PDLIM5: variants seen among roughly 807,000 people sequenced by gnomAD.
PDLIM5 encodes PDZ and LIM domain protein 5.
A neutral mutation model predicts 64.2 loss-of-function variants in PDLIM5; 34 were observed. That is an observed-to-expected ratio of 0.53 (90% CI 0.40 to 0.71). The LOEUF (loss-of-function observed/expected upper bound fraction) is 0.71, where lower values mean the gene tolerates loss of function less well. PDLIM5 is among the 30% of genes least tolerant of loss of function. PDLIM5 has a pLI of 0.00. For missense variants in PDLIM5, 683 were observed against 733.6 expected, an observed-to-expected ratio of 0.93 and a Z score of 0.80; for synonymous variants, 253 against 269.1, an observed-to-expected ratio of 0.94 and a Z score of 0.59.
intron 2 of PDLIM5, among the ~76,000 whole-genome samples, chr4:94,460,735 A>G (rs1723806205): frequency 6.6e-6 from 1 of 152,234 alleles, no homozygotes; most frequent in South Asian, 2.1e-4. Flanking sequence ...TACTTAAACT[A>G]AGAATAGATA....
chr4:94,623,643 G>C (rs995864232), intron 8 of PDLIM5, among the ~76,000 whole-genome samples: 1 of 152,114 alleles, frequency 6.6e-6, no homozygotes, highest in Non-Finnish European at 1.5e-5. Flanking sequence ...ACAATGCCTG[G>C]CACAGTTTAT....
chr4:94,664,512 CT>C lies in PDLIM5; in HGVS notation c.*448del, dbSNP rs745796300. The C allele has an allele frequency of 1.1e-5, 8 of 713,228 alleles. No individual in the cohort carries two copies. Among genetic ancestry groups the C allele is most frequent in the Non-Finnish European group, 1.4e-5 (8 of 582,120 alleles). The allele number at this position is 713,228 out of a possible 1,614,324, so 44.2% of individuals were successfully genotyped here. ...TATTTAAAAAAAAACTAATACTTAT[CT>C]TTAAAATAGTAAATAGGATTTTAAA... On this transcript the variant is annotated 3_prime_UTR_variant, in exon 13 of 13. Transcript: ENST00000317968.
chr4:94,513,681 C>G (rs1291700979), intron 2 of PDLIM5, among the ~76,000 whole-genome samples: 1 of 152,154 alleles, frequency 6.6e-6, no homozygotes, highest in African/African-American at 2.4e-5. Context: ...GATAATTTGA[C>G]TTCTTCCTCT....
intron 2 of PDLIM5, chr4:94,456,263 A>G (rs1386539442): frequency 2.0e-6 from 1 of 492,100 alleles, no homozygotes; most frequent in Non-Finnish European, 3.6e-6. Flanking sequence ...CAGTGGCGCA[A>G]TCTCGGCTCA....
chr4:94,626,982 C>G (rs1006340120), intron 8 of PDLIM5, among the ~76,000 whole-genome samples: 2 of 152,110 alleles, frequency 1.3e-5, no homozygotes, highest in Non-Finnish European at 2.9e-5. Flanking sequence ...AGGCTTTGCA[C>G]TACAGTAATA....
intron 3 of PDLIM5, among the ~76,000 whole-genome samples, chr4:94,556,331 G>A (rs1288475745): frequency 6.6e-6 from 1 of 152,126 alleles, no homozygotes; most frequent in African/African-American, 2.4e-5. Flanking sequence ...TTGGTTCCAA[G>A]TCTTTGCTAT....
intron 9 of PDLIM5, 48 bp downstream of exon 9, chr4:94,640,498 G>GT: frequency 2.0e-6 from 2 of 977,842 alleles, no homozygotes; most frequent in Non-Finnish European, 2.8e-6. Flanking sequence ...TATCAATGTT[G>GT]GGTTTTTTTT....
chr4:94,484,677 T>C (rs1255596851), intron 2 of PDLIM5, among the ~76,000 whole-genome samples: 1 of 152,120 alleles, frequency 6.6e-6, no homozygotes, highest in Non-Finnish European at 1.5e-5. Flanking sequence ...TTAAGAACCA[T>C]GTAGGGGTTT....
rs549714145 is a variant in PDLIM5 at position 94,534,474 on chromosome 4, A to G, written c.248+10599A>G. Reference sequence around the variant, plus strand: ...GCAGCCATAAGAGGTGGACATAAAGAGATTTATAATCTTTGCCCTTAAAGA... The same window carrying G: ...GCAGCCATAAGAGGTGGACATAAAGGGATTTATAATCTTTGCCCTTAAAGA... On this transcript the variant is annotated intron_variant, in intron 3 of 12. Transcript: ENST00000317968. 1.9e-3 allele frequency among the ~76,000 whole-genome samples: 296 copies of G among 152,314 alleles called. 2 individuals are homozygous for G. Among genetic ancestry groups the G allele is most frequent in the Non-Finnish European group, 3.3e-3 (222 of 68,018 alleles).
chr4:94,567,552 T>C (rs1456491777), intron 3 of PDLIM5, among the ~76,000 whole-genome samples: 1 of 152,056 alleles, frequency 6.6e-6, no homozygotes, highest in East Asian at 1.9e-4. Context: ...TTCATGACTG[T>C]TAAAAAATAT....
intron 3 of PDLIM5, among the ~76,000 whole-genome samples, chr4:94,568,378 G>C (rs1444062958): frequency 2.0e-5 from 3 of 151,702 alleles, no homozygotes; most frequent in African/African-American, 7.3e-5. Flanking sequence ...TTAACAGTGG[G>C]ACATATAGAA....
intron 9 of PDLIM5, among the ~76,000 whole-genome samples, chr4:94,640,953 C>T (rs924350959): frequency 3.3e-5 from 5 of 152,292 alleles, no homozygotes; most frequent in Non-Finnish European, 5.9e-5. Context: ...TGTTAGATTA[C>T]GTAATGACCT....
intron 3 of PDLIM5, among the ~76,000 whole-genome samples, chr4:94,547,195 A>G (rs567460219): frequency 2.8e-4 from 43 of 152,224 alleles, no homozygotes; most frequent in African/African-American, 9.1e-4. Flanking sequence ...TTAGTGGCCA[A>G]ACTGCACCCC....
At chr4:94,517,317 G>A (rs1327327478) in intron 2 of PDLIM5, among the ~76,000 whole-genome samples, 1 of 152,140 alleles carries the variant, frequency 6.6e-6, no homozygotes, top group African/African-American at 2.4e-5. Flanking sequence ...ATGGTATCCT[G>A]GGAAATATGT....
At chr4:94,551,189 T>G (rs1732775463) in intron 3 of PDLIM5, among the ~76,000 whole-genome samples, 1 of 152,100 alleles carries the variant, frequency 6.6e-6, no homozygotes, top group Non-Finnish European at 1.5e-5. Context: ...GCTAGTCTGG[T>G]TCTAACTCAG....
At chr4:94,543,778 CTGTGTGTGTG>C (rs60929032) in intron 3 of PDLIM5, among the ~76,000 whole-genome samples, 6,974 of 132,016 alleles carry the variant, frequency 0.053, 317 homozygotes, top group East Asian at 0.25. Flanking sequence ...TAGTATTCCA[CTGTGTGTGTG>C]TGTGTGTGTG....
intron 2 of PDLIM5, among the ~76,000 whole-genome samples, chr4:94,480,441 G>A (rs1725746834): frequency 6.6e-6 from 1 of 152,160 alleles, no homozygotes; most frequent in Admixed American, 6.6e-5. Context: ...TATATGGTGG[G>A]GCAATCTAGA....
chr4:94,464,777 C>T (rs1265506549), intron 2 of PDLIM5, among the ~76,000 whole-genome samples: 7 of 152,036 alleles, frequency 4.6e-5, no homozygotes, highest in Non-Finnish European at 8.8e-5. Flanking sequence ...TTTAAATGTA[C>T]CTCTGTCTAT....
chr4:94,556,232 A>G (rs988639526), intron 3 of PDLIM5, among the ~76,000 whole-genome samples: 4 of 152,088 alleles, frequency 2.6e-5, no homozygotes, highest in African/African-American at 4.8e-5. Flanking sequence ...AAAGGACATG[A>G]GCTCATCCTT....
Sources: gnomAD v4.1 joint callset for allele counts (sites outside exome capture counted in the v4.1 genomes callset) on GRCh38, gnomAD v4.1.1 for gene constraint, MANE v1.5 for transcripts, NCBI Gene and HGNC (gene_info 2026-07-23, HGNC 2026-07-21) for gene names.